HDAC4: variants seen among roughly 807,000 people sequenced by gnomAD.
HDAC4 encodes the protein histone deacetylase A.
In HDAC4, 16 loss-of-function variants were observed where a neutral mutation model predicts 135.1. The ratio of observed to expected loss-of-function variants is 0.12; its 90% CI spans 0.08 to 0.18. The LOEUF (loss-of-function observed/expected upper bound fraction) is 0.18. Ranked by LOEUF, HDAC4 falls within the 10% of genes least tolerant of loss-of-function variation. The pLI is 1.00. For synonymous variants in HDAC4, 685 were observed against 653.4 expected (o/e 1.05, Z -0.74); for missense variants, 1,143 against 1,511.8 (o/e 0.76, Z 4.05).
At chr2:239,362,302 G>C (rs1693916449) in intron 1 of HDAC4, among the ~76,000 whole-genome samples, 1 of 152,212 alleles carries the variant, frequency 6.6e-6, no homozygotes, top group Non-Finnish European at 1.5e-5. Flanking sequence ...TTACGTGTGG[G>C]TGTATTTCCT....
chr2:239,371,817 G>A (rs1311819821), intron 1 of HDAC4, among the ~76,000 whole-genome samples: 3 of 152,206 alleles, frequency 2.0e-5, no homozygotes, highest in Non-Finnish European at 2.9e-5. Context: ...ATCTGGGCCT[G>A]CGCATCCGGC....
chr2:239,105,963 G>A (rs2038091815), intron 15 of HDAC4, among the ~76,000 whole-genome samples: 1 of 152,202 alleles, frequency 6.6e-6, no homozygotes, highest in African/African-American at 2.4e-5. Context: ...TGCCCCACGT[G>A]TGGGAGCAAG....
At chr2:239,094,184 A>G in intron 17 of HDAC4, 3 of 985,432 alleles carry the variant, frequency 3.0e-6, no homozygotes, top group Non-Finnish European at 3.6e-6. Context: ...CAGGACCATG[A>G]TGGCCCGGAT....
intron 1 of HDAC4, among the ~76,000 whole-genome samples, chr2:239,361,928 T>G (rs1018345478): frequency 2.0e-5 from 3 of 152,250 alleles, no homozygotes. Context: ...AGAAAACACA[T>G]GGAAAGCACA....
intron 22 of HDAC4, among the ~76,000 whole-genome samples, chr2:239,070,542 C>T (rs1288581635): frequency 2.0e-5 from 3 of 152,208 alleles, no homozygotes; most frequent in African/African-American, 7.2e-5. Context: ...CTTTAGGCTG[C>T]CGCCTTCGAT....
intron 14 of HDAC4, among the ~76,000 whole-genome samples, chr2:239,108,958 G>GT (rs1183505414): frequency 1.8e-4 from 27 of 152,376 alleles, no homozygotes; most frequent in Middle Eastern, 3.4e-3. Flanking sequence ...CTGAACCCGT[G>GT]TTGGATGCCA....
chr2:239,265,774 T>C (rs2049687062), intron 2 of HDAC4, among the ~76,000 whole-genome samples: 1 of 152,220 alleles, frequency 6.6e-6, no homozygotes, highest in Non-Finnish European at 1.5e-5. Context: ...ACCAGGCTTC[T>C]TGGAACTTCC....
intron 1 of HDAC4, among the ~76,000 whole-genome samples, chr2:239,371,918 G>A (rs552952726): frequency 1.3e-5 from 2 of 152,348 alleles, no homozygotes; most frequent in African/African-American, 4.8e-5. Context: ...AGGGGCAGGG[G>A]GCAGCATCCA....
chr2:239,292,229 A>G (rs2051564176), intron 2 of HDAC4, among the ~76,000 whole-genome samples: 2 of 152,204 alleles, frequency 1.3e-5, no homozygotes, highest in African/African-American at 2.4e-5. Context: ...AGGTGCTGCA[A>G]TGCGCTGGCT....
chr2:239,173,546 G>A (rs745518173), intron 5 of HDAC4, among the ~76,000 whole-genome samples: 20 of 152,098 alleles, frequency 1.3e-4, no homozygotes, highest in African/African-American at 4.8e-4. Flanking sequence ...GTAGACAAAT[G>A]AGTAAAAAAT....
intron 3 of HDAC4, among the ~76,000 whole-genome samples, chr2:239,216,299 C>T (rs374164318): frequency 2.0e-5 from 3 of 152,006 alleles, no homozygotes; most frequent in South Asian, 4.2e-4. Context: ...GAAATGTTCT[C>T]ACACATCTTC....
chr2:239,269,147 C>T (rs2049911038), intron 2 of HDAC4, among the ~76,000 whole-genome samples: 1 of 152,012 alleles, frequency 6.6e-6, no homozygotes, highest in Non-Finnish European at 1.5e-5. Flanking sequence ...TATCTACATA[C>T]ATTCATACAT....
intron 11 of HDAC4, 31 bp downstream of exon 11, chr2:239,134,214 C>G: frequency 1.9e-6 from 3 of 1,589,536 alleles, no homozygotes; most frequent in East Asian, 4.5e-5. Context: ...AGCCTCAGAG[C>G]CTGGCTGCAC....
intron 3 of HDAC4, among the ~76,000 whole-genome samples, chr2:239,212,829 C>A (rs1236146900): frequency 6.6e-6 from 1 of 152,220 alleles, no homozygotes; most frequent in Non-Finnish European, 1.5e-5. Flanking sequence ...TCCCTGTCTG[C>A]CACCTGGCCA....
intron 12 of HDAC4, among the ~76,000 whole-genome samples, chr2:239,123,598 C>T (rs915212607): frequency 3.3e-5 from 5 of 152,252 alleles, no homozygotes; most frequent in African/African-American, 1.2e-4. Flanking sequence ...TGCCATCTCC[C>T]AGGGGCCTTC....
Position 239,115,275 on chromosome 2 carries a change from C to T in HDAC4, c.1569G>A (p.Pro523=), listed in dbSNP as rs201334158. Residue 523 remains proline (P), a synonymous_variant, in exon 13 of 27, where the codon CCG becomes CCA. Transcript: ENST00000543185. This position sits in a 1 kb window ranked among gnomAD's most constrained non-coding sequence, Gnocchi z 6.3. ...CCTCCGTCTCCTCCGGGTGGCTCTC[C>T]GGCTGCCGGGCTGGCTCGCTTGGCT... ...IPKPSEPARQ[P]ESHPEETEEE... is the part of the protein sequence containing the mutation. 9.2e-5 allele frequency: 149 copies of T among 1,613,340 alleles called. No homozygotes were observed. The highest frequency in any genetic ancestry group is 2.2e-5 in the East Asian group (1 of 44,870).
chr2:239,322,856 A>G (rs1223098870), intron 2 of HDAC4, among the ~76,000 whole-genome samples: 3 of 152,090 alleles, frequency 2.0e-5, no homozygotes, highest in Non-Finnish European at 4.4e-5. Flanking sequence ...GCACCTGGAC[A>G]GACTCTTGTG....
chr2:239,236,254 T>A (rs1468607712), intron 3 of HDAC4, among the ~76,000 whole-genome samples: 2 of 152,108 alleles, frequency 1.3e-5, no homozygotes, highest in Non-Finnish European at 2.9e-5. Context: ...CACTGCAAGC[T>A]CAGAGGTCTT....
chr2:239,067,031 TTGATC>T, intron 23 of HDAC4, 176 bp from the exon 24 acceptor site: 1 of 727,316 alleles, frequency 1.4e-6, no homozygotes. Context: ...GATTTCCTCT[TTGATC>T]TGTTTGAGAG....
Sources: gnomAD v4.1 joint callset for allele counts (sites outside exome capture counted in the v4.1 genomes callset) on GRCh38, gnomAD v4.1.1 for gene constraint, Gnocchi (gnomAD v3.1) non-coding constraint, MANE v1.5 for transcripts, NCBI Gene and HGNC (gene_info 2026-07-23, HGNC 2026-07-21) for gene names.